DNAH17: variants seen among roughly 807,000 people sequenced by gnomAD.
The protein encoded by DNAH17 is dynein axonemal heavy chain 17.
A neutral mutation model predicts 485.6 loss-of-function variants in DNAH17; 376 were observed. That is an observed-to-expected ratio of 0.77 (90% CI 0.71 to 0.84). The LOEUF is 0.84. DNAH17 is among the 40% of genes least tolerant of loss of function. DNAH17 has a pLI of 0.00. For missense variants in DNAH17, 6,370 were observed against 5,839.3 expected, an observed-to-expected ratio of 1.09 and a Z score of -2.96; for synonymous variants, 3,031 against 2,405.9, an observed-to-expected ratio of 1.26 and a Z score of -7.60.
At chr17:78,432,937 C>G (rs2086733379) in intron 75 of DNAH17, among the ~76,000 whole-genome samples, 1 of 120,578 alleles carries the variant, frequency 8.3e-6, no homozygotes, top group African/African-American at 2.9e-5. Flanking sequence ...AGCACCGTTT[C>G]TCACCATGTC....
chr17:78,492,498 C>A (rs2089905125), intron 42 of DNAH17, 135 bp downstream of exon 42: 4 of 1,245,142 alleles, frequency 3.2e-6, no homozygotes, highest in Admixed American at 2.3e-5. Context: ...ATGGTGCCAC[C>A]ATTGCAGGCC....
At position 78,451,544 on chromosome 17, in the gene DNAH17, G is replaced by T; in HGVS notation, c.10659C>A (p.Val3553=). ...GTTGGTCCTCGAGTCCATCCCTGGTGACCAGGAAGTTGATGAGGGTGCACT... is the reference window on the plus strand; with the variant it reads ...GTTGGTCCTCGAGTCCATCCCTGGTTACCAGGAAGTTGATGAGGGTGCACT... ...QAQCTLINFL[V]TRDGLEDQLL... The change falls in exon 66 of 81, where the codon GTC becomes GTA. Residue 3553 remains valine (V), a synonymous_variant. Transcript: ENST00000389840. The T allele has an allele frequency of 1.2e-6, 2 of 1,613,874 alleles. No homozygotes were observed. The highest frequency in any genetic ancestry group is 2.2e-5 in the South Asian group (2 of 91,076).
intron 11 of DNAH17, among the ~76,000 whole-genome samples, chr17:78,565,263 A>AG (rs764140355): frequency 6.6e-6 from 1 of 152,266 alleles, no homozygotes; most frequent in African/African-American, 2.4e-5. Context: ...ATCTTGCTTT[A>AG]GCAAGTATAA....
Position 78,491,475 on chromosome 17 carries a change from C to T in DNAH17, c.6637G>A (p.Glu2213Lys), listed in dbSNP as rs2089852589. ...TCATCCATGACTGTGTTGAGAGACTCGATCCACATGGGGTCTATGTCTCCG... is the reference window on the plus strand; with the variant it reads ...TCATCCATGACTGTGTTGAGAGACTTGATCCACATGGGGTCTATGTCTCCG... ...LDGDIDPMWI[E>K]SLNTVMDDNK... Residue 2213 changes from glutamate to lysine, a missense_variant, in exon 43 of 81, where the codon GAG becomes AAG. Coordinates refer to ENST00000389840, the MANE Select transcript of DNAH17 (RefSeq NM_173628.4). The T allele has an allele frequency of 1.9e-6, 3 of 1,613,010 alleles. No homozygotes were observed. The highest frequency in any genetic ancestry group is 2.5e-6 in the Non-Finnish European group (3 of 1,179,598).
intron 11 of DNAH17, among the ~76,000 whole-genome samples, chr17:78,562,803 A>G: frequency 6.6e-6 from 1 of 152,212 alleles, no homozygotes; most frequent in African/African-American, 2.4e-5. Flanking sequence ...GAAAACCACC[A>G]TCAGGAAATG....
chr17:78,530,336 G>T lies in DNAH17; in HGVS notation c.3284+7C>A, dbSNP rs767226029. ...TGGGCTCCCCGAGTACATGGCTGGG[G>T]ACCCACCTGTTGGTGACGTGGTTGC... On this transcript the variant is annotated splice_region_variant and intron_variant, in intron 21 of 80. Coordinates refer to ENST00000389840, the MANE Select transcript of DNAH17 (RefSeq NM_173628.4). 3.1e-6 allele frequency: 5 copies of T among 1,603,192 alleles called. No individual in the cohort carries two copies. In the South Asian group the frequency reaches 5.5e-5, roughly 18 times the overall value.
chr17:78,502,726 C>G (rs772551942), intron 32 of DNAH17, 28 bp from the exon 33 acceptor site: 2 of 1,603,172 alleles, frequency 1.2e-6, no homozygotes, highest in South Asian at 2.2e-5. Flanking sequence ...CCATTGCCCA[C>G]GCAGTGAGCG....
intron 74 of DNAH17, among the ~76,000 whole-genome samples, chr17:78,434,865 T>C (rs1406104866): frequency 6.6e-6 from 1 of 152,202 alleles, no homozygotes; most frequent in African/African-American, 2.4e-5. Context: ...ACTCAGCGGC[T>C]GACGGAGCAC....
intron 76 of DNAH17, 89 bp downstream of exon 76, chr17:78,429,032 T>G: frequency 7.0e-7 from 1 of 1,427,960 alleles, no homozygotes. Flanking sequence ...TCTTGCTCAA[T>G]TATTGACACT....
chr17:78,440,900 T>G, intron 72 of DNAH17, 151 bp downstream of exon 72: 2 of 968,742 alleles, frequency 2.1e-6, no homozygotes, highest in Non-Finnish European at 3.0e-6. Context: ...CGTGTTATTT[T>G]CCTGTTCTTG....
At position 78,506,859 on chromosome 17, in the gene DNAH17, A is replaced by G. The variant is rs1316886740; in HGVS notation, c.4677-13T>C. On this transcript the variant is annotated splice_polypyrimidine_tract_variant and intron_variant, in intron 29 of 80. Transcript: ENST00000389840. Reference sequence around the variant, plus strand: ...ACAGATGGCCAAGCTGGGAGGAAGGAAGGAAGTAGAGGAGGCCGGTGACCC... The same window carrying G: ...ACAGATGGCCAAGCTGGGAGGAAGGGAGGAAGTAGAGGAGGCCGGTGACCC... The G allele has an allele frequency of 6.2e-7, 1 of 1,613,884 alleles. No homozygotes were observed. Among genetic ancestry groups the G allele is most frequent in the East Asian group, 2.2e-5 (1 of 44,880 alleles).
intron 18 of DNAH17, among the ~76,000 whole-genome samples, chr17:78,538,163 A>T (rs1488625769): frequency 1.5e-5 from 2 of 134,824 alleles, no homozygotes; most frequent in African/African-American, 5.5e-5. Context: ...AAAAAAAAAA[A>T]GAATGGAGAC....
At position 78,455,829 on chromosome 17, in the gene DNAH17, C is replaced by G. The variant is rs372519071; in HGVS notation, c.9985G>C (p.Gly3329Arg). 1.2e-5 allele frequency: 19 copies of G among 1,600,830 alleles called. 1 individual carries two copies. The South Asian group carries it at 1.7e-4, about 14-fold the overall frequency. The change falls in exon 63 of 81, where the codon GGG becomes CGG. Residue 3329 changes from glycine (G) to arginine (R), a missense_variant. Transcript: ENST00000389840. ...CGGATGTTTTCCGATGCTAATCCCC[C>G]GACCAGCCTAAAGTGGGATGAGAGA... ...RVILLANRLV[G>R]GLASENIRWA...
rs768059583 is a variant in DNAH17, at chr17:78,505,289, T to A, written c.4956+4A>T. On this transcript the variant is annotated splice_donor_region_variant and intron_variant, in intron 31 of 80. Transcript: ENST00000389840. ...TTCCCTGTGTGGTGTGCGCACACACTCACCTGCCCCGAGAGGTCGCATTCC... is the reference window on the plus strand; with the variant it reads ...TTCCCTGTGTGGTGTGCGCACACACACACCTGCCCCGAGAGGTCGCATTCC... The A allele has an allele frequency of 2.5e-6, 4 of 1,613,618 alleles. No homozygotes were observed. Among genetic ancestry groups the A allele is most frequent in the Non-Finnish European group, 3.4e-6 (4 of 1,179,682 alleles).
chr17:78,456,927 C>T (rs550573233), intron 62 of DNAH17, among the ~76,000 whole-genome samples: 1 of 152,248 alleles, frequency 6.6e-6, no homozygotes, highest in Non-Finnish European at 1.5e-5. Context: ...CTGGAACAGA[C>T]TCAGCCCCAG....
At chr17:78,472,783 T>C (rs1165776221) in intron 54 of DNAH17, 1 of 454,302 alleles carries the variant, frequency 2.2e-6, no homozygotes, top group Non-Finnish European at 4.4e-6. Context: ...TCGTCGCACC[T>C]GCCCACTTTC....
chr17:78,571,186 C>G, intron 5 of DNAH17, 93 bp downstream of exon 5: 1 of 1,327,428 alleles, frequency 7.5e-7, no homozygotes, highest in African/African-American at 1.5e-5. Context: ...CAGAGGGAGG[C>G]CAACATCCTA....
chr17:78,502,355 C>T (rs972544892), intron 33 of DNAH17: 6 of 402,186 alleles, frequency 1.5e-5, no homozygotes, highest in African/African-American at 4.2e-5. Flanking sequence ...AATTTTCAGG[C>T]GAGAAATCAA....
In DNAH17 at chr17:78,449,509, G is replaced by C; in HGVS notation, c.11116C>G (p.Leu3706Val). The change falls in exon 69 of 81, where the codon CTG (leucine) becomes GTG (valine). Residue 3706 changes from leucine (L) to valine (V), a missense_variant. Physicochemically the swap from Leu to Val is conservative, Grantham distance 32. Coordinates refer to ENST00000389840, the MANE Select transcript of DNAH17 (RefSeq NM_173628.4). ...ACGGAGTAGGTGATCTCGTCCGTCA[G>C]GTTGATCACCCGCTGCTTCACCTCG... ...ANEVKQRVINLTDEITYSVYM... is the reference protein window; with the variant it reads ...ANEVKQRVINVTDEITYSVYM... The C allele has an allele frequency of 1.9e-6, 3 of 1,592,332 alleles. No individual in the cohort carries two copies. The highest frequency in any genetic ancestry group is 2.6e-6 in the Non-Finnish European group (3 of 1,169,450).
Sources: allele counts gnomAD v4.1 joint callset (sites outside exome capture counted in the v4.1 genomes callset), GRCh38; gene constraint gnomAD v4.1.1; transcripts MANE v1.5; gene names NCBI Gene and HGNC (gene_info 2026-07-23, HGNC 2026-07-21).